CCDC171: variants seen among roughly 807,000 people sequenced by gnomAD.
The protein encoded by CCDC171 is coiled-coil domain-containing protein 171.
CCDC171 carries 177 observed loss-of-function variants against 168.2 expected under a neutral mutation model. That is an observed-to-expected ratio of 1.05 (90% CI 0.93 to 1.19). The LOEUF is 1.19. Ranked by LOEUF, CCDC171 falls within the 50% of genes most tolerant of loss-of-function variation. The pLI is 0.00. For missense variants in CCDC171, 1,991 were observed against 1,539.0 expected, an observed-to-expected ratio of 1.29 and a Z score of -4.91; for synonymous variants, 687 against 540.8, an observed-to-expected ratio of 1.27 and a Z score of -3.75.
At chr9:15,613,491 A>G (rs1441832713) in intron 6 of CCDC171, among the ~76,000 whole-genome samples, 3 of 112,314 alleles carry the variant, frequency 2.7e-5, no homozygotes, top group African/African-American at 8.7e-5. Flanking sequence ...TAATAAAAAC[A>G]AATGGTTTTG....
intron 11 of CCDC171, among the ~76,000 whole-genome samples, chr9:15,720,058 C>G (rs568143003): frequency 6.6e-6 from 1 of 152,048 alleles, no homozygotes; most frequent in Non-Finnish European, 1.5e-5. Context: ...TTCCACATTA[C>G]TTTTGGTTTT....
In CCDC171 at chr9:15,890,655, T is replaced by C. The variant is rs150599414; in HGVS notation, c.3600+15992T>C. ...GTACAAAATAAATTCATTGCTTTAG[T>C]TGAAAATCAGAAGGCACCTGGGAAT... On this transcript the variant is annotated intron_variant, in intron 24 of 25. Transcript: ENST00000380701. Among the ~76,000 whole-genome samples, 439 of 152,214 alleles carry C rather than the reference T, an allele frequency of 2.9e-3. 7 individuals are homozygous for C. Among genetic ancestry groups the C allele is most frequent in the East Asian group, 0.012 (64 of 5,180 alleles).
At chr9:15,698,620 A>G (rs1345414891) in intron 11 of CCDC171, among the ~76,000 whole-genome samples, 1 of 152,024 alleles carries the variant, frequency 6.6e-6, no homozygotes, top group Non-Finnish European at 1.5e-5. Flanking sequence ...CGTTGCTACA[A>G]ATGACAGGGT....
At chr9:15,833,181 A>G (rs531817525) in intron 21 of CCDC171, among the ~76,000 whole-genome samples, 2 of 151,988 alleles carry the variant, frequency 1.3e-5, no homozygotes, top group East Asian at 3.9e-4. Flanking sequence ...TAGTAGACAC[A>G]GCGTTTTGCC....
chr9:15,736,082 T>C (rs2134442906), intron 16 of CCDC171, among the ~76,000 whole-genome samples: 1 of 152,272 alleles, frequency 6.6e-6, no homozygotes, highest in East Asian at 1.9e-4. Flanking sequence ...AGACAACTGA[T>C]ACTACTTACT....
At chr9:15,599,735 G>T (rs1009789940) in intron 6 of CCDC171, among the ~76,000 whole-genome samples, 15 of 152,242 alleles carry the variant, frequency 9.9e-5, no homozygotes, top group African/African-American at 3.6e-4. Context: ...ATAATATCCT[G>T]CAGAGTGTTC....
chr9:15,747,839 C>A (rs2055412113), intron 18 of CCDC171, among the ~76,000 whole-genome samples: 2 of 152,186 alleles, frequency 1.3e-5, no homozygotes, highest in African/African-American at 4.8e-5. Context: ...AACACATCTT[C>A]TCCTCTAAAG....
intron 9 of CCDC171, among the ~76,000 whole-genome samples, chr9:15,676,489 C>T (rs1465815969): frequency 6.6e-6 from 1 of 151,972 alleles, no homozygotes; most frequent in South Asian, 2.1e-4. Context: ...TCTGTGGGAG[C>T]TGCAGACTGG....
chr9:15,610,444 TAAAAAAAAAAAAAA>T (rs754593075), intron 6 of CCDC171, among the ~76,000 whole-genome samples: 263 of 12,712 alleles, frequency 0.021, 1 homozygote, highest in South Asian at 0.078. Flanking sequence ...CCATCTCAAC[TAAAAAAAAAAAAAA>T]AAAAAAAAAA....
intron 5 of CCDC171, among the ~76,000 whole-genome samples, chr9:15,591,769 G>A (rs1014007241): frequency 1.3e-5 from 2 of 151,880 alleles, no homozygotes; most frequent in East Asian, 1.9e-4. Flanking sequence ...GTTTGCGGTC[G>A]CTAATCAAAA....
rs539824368 is a variant in CCDC171 at position 15,984,421 on chromosome 9, CAT to C, written n.369-36161_369-36160del. Among the ~76,000 whole-genome samples the C allele has an allele frequency of 1.5e-3, 219 of 141,622 alleles. 2 individuals are homozygous for C. The highest frequency in any genetic ancestry group is 5.8e-3 in the African/African-American group (214 of 36,972). 92.9% of individuals were successfully genotyped at this position (141,622 alleles called of 152,430 possible). A position where few individuals can be genotyped will look rare whatever the true frequency, so the allele number is the denominator to read the frequency against. On this transcript the variant is annotated intron_variant and non_coding_transcript_variant, in intron 3 of 9. Coordinates refer to the CCDC171 transcript ENST00000486641. The stretch of plus-strand genomic sequence containing the variant: ...ATGTATATATATGAGTGTGTGTGTA[CAT>C]ATATATGTGTGTGTGTATATATATA...
intron 3 of CCDC171, among the ~76,000 whole-genome samples, chr9:15,999,765 T>G (rs1263023828): frequency 6.6e-6 from 1 of 152,168 alleles, no homozygotes; most frequent in African/African-American, 2.4e-5. Flanking sequence ...ACCCAGCACC[T>G]GGGCACTGTC....
chr9:15,702,735 C>CTACA (rs1476887581), intron 11 of CCDC171, among the ~76,000 whole-genome samples: 1 of 152,200 alleles, frequency 6.6e-6, no homozygotes, highest in Admixed American at 6.5e-5. Flanking sequence ...GGATAACTTG[C>CTACA]TACAGCTTCT....
intron 11 of CCDC171, among the ~76,000 whole-genome samples, chr9:15,707,450 G>A (rs1490041032): frequency 1.3e-5 from 2 of 152,190 alleles, no homozygotes; most frequent in African/African-American, 4.8e-5. Context: ...TATGTTAAAG[G>A]TAGTTGATAG....
intron 4 of CCDC171, chr9:15,588,546 T>C: frequency 2.9e-6 from 1 of 344,566 alleles, no homozygotes; most frequent in Non-Finnish European, 5.8e-6. Flanking sequence ...AGGGGAAGAA[T>C]CCTGCAGGAA....
chr9:15,857,395 GA>G (rs1053069594), intron 23 of CCDC171, among the ~76,000 whole-genome samples: 2 of 151,790 alleles, frequency 1.3e-5, no homozygotes, highest in Admixed American at 6.6e-5. Context: ...ATTGTAAATA[GA>G]TTTTTTTTAA....
At chr9:15,998,885 A>G (rs987283235) in intron 3 of CCDC171, among the ~76,000 whole-genome samples, 5 of 152,214 alleles carry the variant, frequency 3.3e-5, no homozygotes, top group Non-Finnish European at 7.3e-5. Context: ...TCAGAACAGG[A>G]AAGATGGGTC....
chr9:15,633,024 A>T (rs1225048363), intron 7 of CCDC171, among the ~76,000 whole-genome samples: 5 of 152,242 alleles, frequency 3.3e-5, no homozygotes, highest in Non-Finnish European at 7.3e-5. Flanking sequence ...AATTAATTCA[A>T]GATGGATTAA....
At chr9:15,909,419 C>T (rs1823277811) in intron 24 of CCDC171, among the ~76,000 whole-genome samples, 1 of 152,098 alleles carries the variant, frequency 6.6e-6, no homozygotes, top group Admixed American at 6.6e-5. Flanking sequence ...CACACACACA[C>T]ACACGTGCAC....
Sources: gnomAD v4.1 joint callset for allele counts (sites outside exome capture counted in the v4.1 genomes callset) on GRCh38, gnomAD v4.1.1 for gene constraint, MANE v1.5 for transcripts, NCBI Gene and HGNC (gene_info 2026-07-23, HGNC 2026-07-21) for gene names.